Variants in NSG2 observed in about 807,000 individuals in gnomAD.
NSG2 encodes the protein neuronal vesicle trafficking-associated protein 2.
In NSG2, 4 loss-of-function variants were observed where a neutral mutation model predicts 16.9. The observed-to-expected ratio is 0.24, with a 90% CI of 0.12 to 0.54. The LOEUF is 0.54. Ranked by LOEUF, NSG2 falls within the 20% of genes least tolerant of loss-of-function variation. NSG2 has a pLI of 0.95. For missense variants in NSG2, 179 were observed against 221.1 expected, an observed-to-expected ratio of 0.81 and a Z score of 1.21; for synonymous variants, 98 against 88.7, an observed-to-expected ratio of 1.11 and a Z score of -0.59.
intron 3 of NSG2, among the ~76,000 whole-genome samples, chr5:174,070,685 C>T (rs917476299): frequency 6.6e-6 from 1 of 152,206 alleles, no homozygotes; most frequent in African/African-American, 2.4e-5. Flanking sequence ...TGTGCTCTTC[C>T]TGGAGTCAGC....
At chr5:174,048,273 A>G (rs917636103) in intron 2 of NSG2, among the ~76,000 whole-genome samples, 4 of 151,990 alleles carry the variant, frequency 2.6e-5, no homozygotes, top group Non-Finnish European at 5.9e-5. Flanking sequence ...AGATTTTGAA[A>G]CTCCTGCTTT....
intron 3 of NSG2, among the ~76,000 whole-genome samples, chr5:174,076,750 C>T (rs1760349819): frequency 6.6e-6 from 1 of 152,120 alleles, no homozygotes; most frequent in Non-Finnish European, 1.5e-5. Flanking sequence ...TATCTGGAGA[C>T]AGTTTTGGTT....
intron 3 of NSG2, among the ~76,000 whole-genome samples, chr5:174,097,735 CTGTGTCTGTGTG>C (rs1760826552): frequency 6.9e-6 from 1 of 144,218 alleles, no homozygotes. Context: ...GTGTGTGTCT[CTGTGTCTGTGTG>C]TGTGTCTGTG....
chr5:174,095,855 T>C (rs1760788147), intron 3 of NSG2, among the ~76,000 whole-genome samples: 1 of 152,250 alleles, frequency 6.6e-6, no homozygotes, highest in South Asian at 2.1e-4. Context: ...CCTCTTTTTA[T>C]GCCCAATGTG....
chr5:174,098,709 C>G (rs1442234031), intron 3 of NSG2, among the ~76,000 whole-genome samples: 3 of 152,168 alleles, frequency 2.0e-5, no homozygotes, highest in Non-Finnish European at 4.4e-5. Context: ...CCTGTGAACT[C>G]CTTGAGGCAA....
In NSG2 at chr5:174,048,650, T is replaced by A. The variant is rs1437938157; in HGVS notation, c.129+1766T>A. On this transcript the variant is annotated intron_variant, in intron 2 of 4. Transcript: ENST00000303177. The stretch of plus-strand genomic sequence containing the variant: ...AAAGGGATTGTGGTGAGGTCATCTC[T>A]CCCCTAGCCTTCTACATGCCTGCAG... Among the ~76,000 whole-genome samples the A allele has an allele frequency of 4.6e-5, 7 of 152,250 alleles. No homozygotes were observed. The East Asian group carries it at 1.2e-3, about 25-fold the overall frequency.
chr5:174,099,235 A>G (rs908960059), intron 3 of NSG2, among the ~76,000 whole-genome samples: 3 of 152,134 alleles, frequency 2.0e-5, no homozygotes, highest in Non-Finnish European at 4.4e-5. Context: ...AGGACTCTCC[A>G]GCTCCCGCCC....
chr5:174,064,008 A>G (rs149734553), intron 2 of NSG2, among the ~76,000 whole-genome samples: 310 of 152,328 alleles, frequency 2.0e-3, no homozygotes, highest in Non-Finnish European at 3.6e-3. Context: ...ATAAGTCTAT[A>G]TAAATATCTA....
rs1760999408 is a variant in NSG2 at position 174,107,403 on chromosome 5, C to T, written c.414C>T (p.His138=). The part of the protein sequence containing the change: ...SRSRFYTVIS[H]YSVAKQSTAR... Reference sequence around the variant, plus strand: ...GCCGCTTCTACACAGTCATCAGCCACTACAGCGTGGCCAAGCAGAGCACTG... The same window carrying T: ...GCCGCTTCTACACAGTCATCAGCCATTACAGCGTGGCCAAGCAGAGCACTG... Residue 138 remains histidine (H), a synonymous_variant, in exon 5 of 5, where the codon CAC becomes CAT. Coordinates refer to ENST00000303177, the MANE Select transcript of NSG2 (RefSeq NM_015980.5). This position sits in a 1 kb window ranked among gnomAD's most constrained non-coding sequence, Gnocchi z 4.5. 1 of 1,612,496 alleles carries T rather than the reference C, an allele frequency of 6.2e-7. No homozygotes were observed. Among genetic ancestry groups the T allele is most frequent in the East Asian group, 2.2e-5 (1 of 44,800 alleles).
chr5:174,046,971 C>G, intron 2 of NSG2, 87 bp downstream of exon 2: 3 of 1,352,562 alleles, frequency 2.2e-6, no homozygotes, highest in Non-Finnish European at 3.1e-6. Flanking sequence ...CCCCCAAATC[C>G]TTTCATTCTC....
At chr5:174,065,323 G>A (rs1371076938) in intron 3 of NSG2, among the ~76,000 whole-genome samples, 24 of 147,424 alleles carry the variant, frequency 1.6e-4, no homozygotes, top group South Asian at 4.3e-4. Flanking sequence ...GCAAGACTCC[G>A]TCTCAAAAAA....
chr5:174,089,550 G>A (rs942667784), intron 3 of NSG2, among the ~76,000 whole-genome samples: 3 of 151,786 alleles, frequency 2.0e-5, no homozygotes, highest in Non-Finnish European at 2.9e-5. Flanking sequence ...AGGCTTCTCC[G>A]TGCAGGAAGA....
intron 3 of NSG2, among the ~76,000 whole-genome samples, chr5:174,094,006 C>T (rs1038713825): frequency 3.3e-5 from 5 of 152,212 alleles, no homozygotes; most frequent in Non-Finnish European, 7.3e-5. Context: ...AATAAGTTTA[C>T]AGTATGCATC....
chr5:174,054,324 T>G (rs904091761), intron 2 of NSG2, among the ~76,000 whole-genome samples: 1 of 152,220 alleles, frequency 6.6e-6, no homozygotes, highest in South Asian at 2.1e-4. Context: ...TTGAAGAATT[T>G]TATTCTATAC....
chr5:174,097,985 G>A (rs1373365290), intron 3 of NSG2, among the ~76,000 whole-genome samples: 3 of 152,040 alleles, frequency 2.0e-5, no homozygotes, highest in South Asian at 2.1e-4. Context: ...GGTGCGACTC[G>A]CTTGCTGCCC....
Position 174,107,652 on chromosome 5 carries a change from A to C in NSG2, c.*147A>C, listed in dbSNP as rs2113484276. On this transcript the variant is annotated 3_prime_UTR_variant, in exon 5 of 5. Coordinates refer to ENST00000303177, the MANE Select transcript of NSG2 (RefSeq NM_015980.5). The surrounding 1 kb of genome is among the most constrained non-coding windows in gnomAD (Gnocchi z 4.5). ...AGGGTGGGGGGAAGAACGCACCAAA[A>C]ACGTGGTGTGTGCTGGAGTTGTCTG... 1 of 799,696 alleles carries C rather than the reference A, an allele frequency of 1.3e-6. No homozygotes were observed. The highest frequency in any genetic ancestry group is 2.1e-6 in the Non-Finnish European group (1 of 474,462). The allele number at this position is 799,696 out of a possible 1,614,324, so 49.5% of individuals were successfully genotyped here. A position where few individuals can be genotyped will look rare whatever the true frequency, so the allele number is the denominator to read the frequency against.
chr5:174,071,420 C>T (rs970311384), intron 3 of NSG2, among the ~76,000 whole-genome samples: 3 of 152,118 alleles, frequency 2.0e-5, no homozygotes, highest in African/African-American at 7.2e-5. Context: ...CCGAGAGGTG[C>T]GGCTTGCAGT....
rs1248895546 is a variant in NSG2, at chr5:174,073,696, A to G, written c.213+9381A>G. Among the ~76,000 whole-genome samples the G allele has an allele frequency of 2.0e-5, 3 of 152,322 alleles. No individual in the cohort carries two copies. In the East Asian group the frequency reaches 5.8e-4, roughly 29 times the overall value. ...ACGAAACATTCCTCTGAGACAGAAA[A>G]CACACATTGTGCTGCCTTAGGAGGA... is the stretch of plus-strand genomic sequence containing the variant. On this transcript the variant is annotated intron_variant, in intron 3 of 4. Transcript: ENST00000303177.
chr5:174,048,251 A>T (rs1460547224), intron 2 of NSG2, among the ~76,000 whole-genome samples: 2 of 152,216 alleles, frequency 1.3e-5, no homozygotes, highest in African/African-American at 4.8e-5. Context: ...TGCATATTAG[A>T]ATCACCTGGG....
Sources: gnomAD v4.1 joint callset for allele counts (sites outside exome capture counted in the v4.1 genomes callset) on GRCh38, gnomAD v4.1.1 for gene constraint, Gnocchi (gnomAD v3.1) non-coding constraint, MANE v1.5 for transcripts, NCBI Gene and HGNC (gene_info 2026-07-23, HGNC 2026-07-21) for gene names.